The following KPNA3 variants were observed in gnomAD, a reference collection of about 807,000 sequenced individuals.
KPNA3 encodes importin subunit alpha-4.
In KPNA3, 13 loss-of-function variants were observed where a neutral mutation model predicts 73.8. That is an observed-to-expected ratio of 0.18 (90% CI 0.11 to 0.28). KPNA3 has a LOEUF of 0.28. Ranked by LOEUF, KPNA3 falls within the 10% of genes least tolerant of loss-of-function variation. KPNA3 has a pLI of 1.00. For synonymous variants in KPNA3, 186 were observed against 206.9 expected, an observed-to-expected ratio of 0.90 and a Z score of 0.87; for missense variants, 360 against 618.1, an observed-to-expected ratio of 0.58 and a Z score of 4.43.
At chr13:49,768,507 G>GATC (rs1954827175) in intron 1 of KPNA3, among the ~76,000 whole-genome samples, 1 of 140,122 alleles carries the variant, frequency 7.1e-6, no homozygotes, top group Non-Finnish European at 1.5e-5. Context: ...TTTTGTTTTT[G>GATC]ATCATCTCGT....
At position 49,762,920 on chromosome 13, in the gene KPNA3, T is replaced by TAAAAAAAAAAA. The variant is rs374167946; in HGVS notation, c.70-15928_70-15927insTTTTTTTTTTT. Reference sequence around the variant, plus strand: ...AATAAAGTTTACACCAAGGCTGGCTTAAAAAACAAAAAAAGAAGAGGAGAG... The same window carrying TAAAAAAAAAAA: ...AATAAAGTTTACACCAAGGCTGGCTTAAAAAAAAAAAAAAAAACAAAAAAAGAAGAGGAGAG... On this transcript the variant is annotated intron_variant, in intron 1 of 16. Coordinates refer to ENST00000261667, the MANE Select transcript of KPNA3 (RefSeq NM_002267.4). Among the ~76,000 whole-genome samples the TAAAAAAAAAAA allele has an allele frequency of 2.4e-5, 3 of 125,432 alleles. 1 individual carries two copies. Among genetic ancestry groups the TAAAAAAAAAAA allele is most frequent in the Non-Finnish European group, 5.2e-5 (3 of 57,972 alleles). 82.3% of individuals were successfully genotyped at this position (125,432 alleles called of 152,430 possible). A position where few individuals can be genotyped will look rare whatever the true frequency, so the allele number is the denominator to read the frequency against.
At chr13:49,753,698 C>T (rs1954686164) in intron 1 of KPNA3, among the ~76,000 whole-genome samples, 1 of 152,182 alleles carries the variant, frequency 6.6e-6, no homozygotes, top group East Asian at 1.9e-4. Context: ...TGTCAGATCA[C>T]GGTTGGCATT....
chr13:49,771,827 T>TG (rs1954858650), intron 1 of KPNA3, among the ~76,000 whole-genome samples: 1 of 151,972 alleles, frequency 6.6e-6, no homozygotes, highest in African/African-American at 2.4e-5. Context: ...CTAATTTTGG[T>TG]ATTTTTTTTG....
intron 1 of KPNA3, among the ~76,000 whole-genome samples, chr13:49,787,940 A>G (rs1330422477): frequency 4.6e-5 from 7 of 152,124 alleles, no homozygotes; most frequent in Non-Finnish European, 8.8e-5. Flanking sequence ...TCGGCCTCCC[A>G]AAGTGCTGGG....
intron 10 of KPNA3, among the ~76,000 whole-genome samples, chr13:49,711,234 GAC>G (rs1196923367): frequency 6.6e-6 from 1 of 152,170 alleles, no homozygotes. Context: ...CAGAAAATGA[GAC>G]ACAGAAGTCT....
At chr13:49,782,987 G>T (rs1430447585) in intron 1 of KPNA3, among the ~76,000 whole-genome samples, 1 of 152,024 alleles carries the variant, frequency 6.6e-6, no homozygotes, top group East Asian at 1.9e-4. Context: ...AGTATCAAAA[G>T]AAAGCTGATA....
intron 1 of KPNA3, among the ~76,000 whole-genome samples, chr13:49,753,708 T>C (rs1281907628): frequency 6.6e-6 from 1 of 152,210 alleles, no homozygotes; most frequent in Non-Finnish European, 1.5e-5. Flanking sequence ...CGGTTGGCAT[T>C]AGATTCTCAT....
intron 1 of KPNA3, among the ~76,000 whole-genome samples, chr13:49,770,137 T>C (rs1954841128): frequency 6.6e-6 from 1 of 151,584 alleles, no homozygotes; most frequent in African/African-American, 2.4e-5. Flanking sequence ...GTACCTTTAA[T>C]GGATGTATGA....
chr13:49,761,016 A>G (rs187590749), intron 1 of KPNA3, among the ~76,000 whole-genome samples: 38 of 152,308 alleles, frequency 2.5e-4, no homozygotes, highest in African/African-American at 7.7e-4. Context: ...AAGAATTCCT[A>G]TATTTTAAAT....
intron 1 of KPNA3, among the ~76,000 whole-genome samples, chr13:49,773,145 C>T (rs539432437): frequency 2.0e-4 from 31 of 151,902 alleles, no homozygotes; most frequent in Non-Finnish European, 4.3e-4. Context: ...CACATTTAAA[C>T]GAAATTCTGG....
chr13:49,706,411 A>AC, intron 12 of KPNA3, 39 bp from the exon 13 acceptor site: 2 of 1,336,184 alleles, frequency 1.5e-6, no homozygotes, highest in Non-Finnish European at 2.1e-6. Flanking sequence ...TTATTTGAAA[A>AC]ATAATACCTT....
intron 1 of KPNA3, among the ~76,000 whole-genome samples, chr13:49,757,438 C>T (rs972169437): frequency 1.3e-5 from 2 of 151,966 alleles, no homozygotes; most frequent in Admixed American, 1.3e-4. Flanking sequence ...GGCAAATAAG[C>T]ACATGAAAAG....
chr13:49,719,648 T>C, intron 10 of KPNA3, 127 bp downstream of exon 10: 1 of 714,194 alleles, frequency 1.4e-6, no homozygotes, highest in Non-Finnish European at 2.4e-6. Flanking sequence ...CTTAATCCTA[T>C]TTCTGAAAAC....
chr13:49,745,873 C>T (rs1235761591), intron 2 of KPNA3, among the ~76,000 whole-genome samples: 1 of 150,442 alleles, frequency 6.6e-6, no homozygotes, highest in Non-Finnish European at 1.5e-5. Flanking sequence ...ACCATCCTGG[C>T]TAACACGGTG....
intron 6 of KPNA3, among the ~76,000 whole-genome samples, chr13:49,729,074 A>T (rs1369880250): frequency 6.6e-6 from 1 of 152,242 alleles, no homozygotes; most frequent in Non-Finnish European, 1.5e-5. Flanking sequence ...TATCACTTAC[A>T]AAAGTGTCTT....
At chr13:49,758,528 G>C (rs1469590191) in intron 1 of KPNA3, among the ~76,000 whole-genome samples, 3 of 152,068 alleles carry the variant, frequency 2.0e-5, no homozygotes, top group Admixed American at 2.0e-4. Flanking sequence ...ATGTGTCTAT[G>C]TGGAATAAAG....
intron 2 of KPNA3, among the ~76,000 whole-genome samples, chr13:49,737,550 A>AGTGT (rs752703696): frequency 8.0e-6 from 1 of 124,522 alleles, no homozygotes; most frequent in Non-Finnish European, 1.7e-5. Flanking sequence ...CTTACTATTA[A>AGTGT]GTGTGTGTGT....
intron 6 of KPNA3, among the ~76,000 whole-genome samples, chr13:49,730,553 A>AAAAAAAAAAAAC (rs1954455306): frequency 7.6e-6 from 1 of 131,706 alleles, no homozygotes; most frequent in Non-Finnish European, 1.6e-5. Flanking sequence ...AAAAAAAAAA[A>AAAAAAAAAAAAC]AAGAACAACT....
intron 2 of KPNA3, among the ~76,000 whole-genome samples, chr13:49,736,425 T>C (rs1400627052): frequency 6.6e-6 from 1 of 152,232 alleles, no homozygotes; most frequent in Admixed American, 6.5e-5. Context: ...GCATGTTTCT[T>C]TTTTCCCTGC....
Sources: allele counts gnomAD v4.1 joint callset (sites outside exome capture counted in the v4.1 genomes callset), GRCh38; gene constraint gnomAD v4.1.1; transcripts MANE v1.5; gene names NCBI Gene and HGNC (gene_info 2026-07-23, HGNC 2026-07-21).